Variants in SCN11A observed in about 807,000 individuals in gnomAD.
The protein encoded by SCN11A is sodium channel protein type 11 subunit alpha.
In SCN11A, 122 loss-of-function variants were observed where a neutral mutation model predicts 162.2. That is an observed-to-expected ratio of 0.75 (90% CI 0.65 to 0.87). SCN11A has a LOEUF of 0.87. SCN11A is among the 40% of genes least tolerant of loss of function. SCN11A has a pLI of 0.00. For missense variants in SCN11A, 2,015 were observed against 2,181.6 expected (o/e 0.92, Z 1.52); for synonymous variants, 758 against 751.5 (o/e 1.01, Z -0.14).
chr3:38,945,889 C>T (rs1348627499), intron 6 of SCN11A, among the ~76,000 whole-genome samples: 1 of 152,192 alleles, frequency 6.6e-6, no homozygotes, highest in Non-Finnish European at 1.5e-5. Flanking sequence ...TTCCCTTTCT[C>T]CTTCTCCAGA....
intron 18 of SCN11A, among the ~76,000 whole-genome samples, chr3:38,896,457 T>A (rs1281341245): frequency 6.6e-6 from 1 of 152,192 alleles, no homozygotes; most frequent in Non-Finnish European, 1.5e-5. Context: ...AGTAAAACGA[T>A]CATTTTTTAA....
intron 2 of SCN11A, among the ~76,000 whole-genome samples, chr3:38,977,677 C>A (rs2066857360): frequency 6.6e-6 from 1 of 152,146 alleles, no homozygotes; most frequent in African/African-American, 2.4e-5. Flanking sequence ...CCCACTGATA[C>A]CCAAATTGGA....
chr3:38,944,806 C>CA (rs1457167583), intron 7 of SCN11A, among the ~76,000 whole-genome samples: 2 of 151,524 alleles, frequency 1.3e-5, no homozygotes, highest in East Asian at 3.9e-4. Context: ...ACTAAAAATA[C>CA]AAAAAAATTG....
At chr3:38,983,606 A>T (rs2030134757) in intron 2 of SCN11A, among the ~76,000 whole-genome samples, 1 of 152,200 alleles carries the variant, frequency 6.6e-6, no homozygotes, top group Non-Finnish European at 1.5e-5. Context: ...TCTGCGTCTC[A>T]GTTTCCTCAT....
rs551266095 is a variant in SCN11A, at chr3:38,990,749, G to A, written c.-279-30326C>T. Among the ~76,000 whole-genome samples, 31 of 152,256 alleles carry A rather than the reference G, an allele frequency of 2.0e-4. 1 individual carries two copies. The highest frequency in any genetic ancestry group is 7.2e-4 in the African/African-American group (30 of 41,544). ...TGCTTCCAATCCCCTTTTCACAGATGAGAAAATCATGGCATGAAAAGGTTA... is the reference window on the plus strand; with the variant it reads ...TGCTTCCAATCCCCTTTTCACAGATAAGAAAATCATGGCATGAAAAGGTTA... On this transcript the variant is annotated intron_variant, in intron 2 of 29. Coordinates refer to ENST00000302328, the MANE Select transcript of SCN11A (RefSeq NM_001349253.2).
chr3:38,949,016 C>T (rs964561901), intron 5 of SCN11A, among the ~76,000 whole-genome samples: 12 of 152,220 alleles, frequency 7.9e-5, no homozygotes, highest in African/African-American at 2.9e-4. Context: ...ATGTGGTCCT[C>T]ATTTGGCCTG....
chr3:38,928,900 G>T (rs990021919), intron 7 of SCN11A, among the ~76,000 whole-genome samples: 3 of 152,086 alleles, frequency 2.0e-5, no homozygotes, highest in Non-Finnish European at 4.4e-5. Context: ...ATTAAAAATA[G>T]ACCTGCTATA....
chr3:38,895,931 G>A (rs912626243), intron 18 of SCN11A, among the ~76,000 whole-genome samples: 1 of 152,082 alleles, frequency 6.6e-6, no homozygotes, highest in African/African-American at 2.4e-5. Context: ...CGTGTGTAGA[G>A]AGTTAATTAT....
intron 11 of SCN11A, among the ~76,000 whole-genome samples, chr3:38,915,666 G>A (rs1160105267): frequency 6.6e-6 from 1 of 152,006 alleles, no homozygotes; most frequent in East Asian, 1.9e-4. Context: ...GTCCGAGAGT[G>A]TGTTTGGTAA....
chr3:38,927,812 G>A (rs868151881), intron 7 of SCN11A, among the ~76,000 whole-genome samples: 10 of 152,130 alleles, frequency 6.6e-5, no homozygotes, highest in Non-Finnish European at 1.3e-4. Context: ...GGAAACCCTC[G>A]CCGTGACTCA....
chr3:38,924,225 G>GTCCTTTTTTTTTTTTAGAC (rs2066099728), intron 9 of SCN11A, among the ~76,000 whole-genome samples: 1 of 151,268 alleles, frequency 6.6e-6, no homozygotes, highest in East Asian at 1.9e-4. Flanking sequence ...CTCCCCTTCA[G>GTCCTTTTTTTTTTTTAGAC]TCCTTTTTTT....
chr3:38,879,524 A>G (rs1254627545), intron 23 of SCN11A, among the ~76,000 whole-genome samples: 1 of 152,170 alleles, frequency 6.6e-6, no homozygotes, highest in Non-Finnish European at 1.5e-5. Context: ...TATGTGAACA[A>G]TCCTCTTATG....
intron 28 of SCN11A, among the ~76,000 whole-genome samples, chr3:38,862,731 G>A (rs6789111): frequency 0.49 from 74,890 of 151,774 alleles, 18,581 homozygotes; most frequent in African/African-American, 0.54. Context: ...TGGACTTCAG[G>A]GAATCAAGGA....
chr3:38,907,028 G>T (rs929241029), intron 14 of SCN11A, among the ~76,000 whole-genome samples: 3 of 151,924 alleles, frequency 2.0e-5, no homozygotes, highest in Admixed American at 1.3e-4. Context: ...CTCTCTGCAG[G>T]TAATGCTCTC....
chr3:39,000,932 G>A (rs1484412678), intron 2 of SCN11A, among the ~76,000 whole-genome samples: 1 of 152,078 alleles, frequency 6.6e-6, no homozygotes, highest in East Asian at 1.9e-4. Flanking sequence ...AGCTACTCAG[G>A]TGGCTGAGGC....
At chr3:38,917,200 A>C (rs2065973277) in intron 11 of SCN11A, among the ~76,000 whole-genome samples, 2 of 152,202 alleles carry the variant, frequency 1.3e-5, no homozygotes, top group South Asian at 4.1e-4. Flanking sequence ...AAAAAGGAAC[A>C]TTTATCCACC....
intron 11 of SCN11A, among the ~76,000 whole-genome samples, chr3:38,917,632 C>T (rs1325009801): frequency 6.6e-6 from 1 of 152,056 alleles, no homozygotes; most frequent in African/African-American, 2.4e-5. Flanking sequence ...CATGGACACA[C>T]AGTGGAGAAC....
intron 2 of SCN11A, among the ~76,000 whole-genome samples, chr3:38,973,764 G>A (rs887515672): frequency 1.3e-5 from 2 of 152,156 alleles, no homozygotes; most frequent in Non-Finnish European, 2.9e-5. Context: ...GCTTCCACTT[G>A]GATGACTGCA....
intron 2 of SCN11A, among the ~76,000 whole-genome samples, chr3:38,985,893 G>A (rs1441868484): frequency 1.3e-5 from 2 of 150,900 alleles, no homozygotes; most frequent in African/African-American, 2.5e-5. Flanking sequence ...TGAGGTTGCA[G>A]TCAAGATGTT....
Sources: allele counts gnomAD v4.1 joint callset (sites outside exome capture counted in the v4.1 genomes callset), GRCh38; gene constraint gnomAD v4.1.1; transcripts MANE v1.5; gene names NCBI Gene and HGNC (gene_info 2026-07-23, HGNC 2026-07-21).